TNFRSF21: variants seen among roughly 807,000 people sequenced by gnomAD.
The protein encoded by TNFRSF21 is tumor necrosis factor receptor superfamily member 21.
TNFRSF21 carries 19 observed loss-of-function variants against 45.6 expected under a neutral mutation model. That is an observed-to-expected ratio of 0.42 (90% CI 0.29 to 0.61). The LOEUF (loss-of-function observed/expected upper bound fraction) is 0.61, where lower values mean the gene tolerates loss of function less well. Ranked by LOEUF, TNFRSF21 falls within the 20% of genes least tolerant of loss-of-function variation. The probability of loss-of-function intolerance (pLI) is 0.23; values close to 1 mark genes in which losing one functional copy is unlikely to be tolerated. For missense variants in TNFRSF21, 737 were observed against 851.5 expected (o/e 0.87, Z 1.67); for synonymous variants, 314 against 335.5 (o/e 0.94, Z 0.70).
intron 1 of TNFRSF21, among the ~76,000 whole-genome samples, chr6:47,292,862 C>T (rs1371534240): frequency 1.3e-5 from 2 of 152,068 alleles, no homozygotes; most frequent in South Asian, 2.1e-4. Flanking sequence ...TTGGCTGTTC[C>T]CATTGATTTT....
At chr6:47,309,305 G>T in intron 1 of TNFRSF21, 111 bp downstream of exon 1, 1 of 1,400,866 alleles carries the variant, frequency 7.1e-7, no homozygotes, top group Non-Finnish European at 9.3e-7. Context: ...TAACCCAGTC[G>T]GCCGGGCCCC....
Position 47,285,949 on chromosome 6 carries a change from G to C in TNFRSF21, c.743C>G (p.Pro248Arg), listed in dbSNP as rs1201309167. Residue 248 changes from proline to arginine, a missense_variant, in exon 2 of 6, where the codon CCC becomes CGC. Pro to Arg is a moderately radical substitution (Grantham distance 103). Coordinates refer to ENST00000296861, the MANE Select transcript of TNFRSF21 (RefSeq NM_014452.5). ...THEVPSSTYVPKGMNSTESNS... is the reference protein window; with the variant it reads ...THEVPSSTYVRKGMNSTESNS... ...AATTCATGAGGTTAAGTTACCTTTGGGAACATAAGTGGAGGAAGGGACTTC... is the reference window on the plus strand; with the variant it reads ...AATTCATGAGGTTAAGTTACCTTTGCGAACATAAGTGGAGGAAGGGACTTC... 1 of 1,613,456 alleles carries C rather than the reference G, an allele frequency of 6.2e-7. No homozygotes were observed. The highest frequency in any genetic ancestry group is 2.2e-5 in the East Asian group (1 of 44,874).
chr6:47,239,746 G>C (rs1259529132), intron 4 of TNFRSF21, among the ~76,000 whole-genome samples: 1 of 152,116 alleles, frequency 6.6e-6, no homozygotes, highest in African/African-American at 2.4e-5. Flanking sequence ...CAGACCTGTG[G>C]TCTCACTTCT....
rs540437034 is a variant in TNFRSF21 at position 47,278,957 on chromosome 6, A to C, written c.1243+4981T>G. Among the ~76,000 whole-genome samples the C allele has an allele frequency of 1.9e-3, 284 of 152,316 alleles. 1 individual carries two copies. Among genetic ancestry groups the C allele is most frequent in the Non-Finnish European group, 3.1e-3 (214 of 68,034 alleles). ...TCCTCAAGGCAGAGCAGAGAAACTG[A>C]GCAGGTTTAAACGAGGTATACCCAA... On this transcript the variant is annotated intron_variant, in intron 3 of 5. Transcript: ENST00000296861.
intron 1 of TNFRSF21, among the ~76,000 whole-genome samples, chr6:47,298,469 A>C (rs1441151022): frequency 1.3e-5 from 2 of 151,972 alleles, no homozygotes; most frequent in African/African-American, 4.8e-5. Context: ...AAATAAATAA[A>C]AATTTAAAAA....
At chr6:47,292,045 A>G (rs1356065013) in intron 1 of TNFRSF21, among the ~76,000 whole-genome samples, 3 of 152,168 alleles carry the variant, frequency 2.0e-5, no homozygotes, top group Non-Finnish European at 2.9e-5. Flanking sequence ...AAATTAAAAC[A>G]CTGTAGAAAT....
intron 1 of TNFRSF21, among the ~76,000 whole-genome samples, chr6:47,294,302 C>T (rs1444812480): frequency 6.6e-6 from 1 of 152,182 alleles, no homozygotes; most frequent in Non-Finnish European, 1.5e-5. Context: ...CGCCACCATG[C>T]CCGGCTAATT....
At chr6:47,268,528 G>A (rs1339136449) in intron 3 of TNFRSF21, among the ~76,000 whole-genome samples, 2 of 152,170 alleles carry the variant, frequency 1.3e-5, no homozygotes, top group African/African-American at 4.8e-5. Flanking sequence ...GTCTCTTCAA[G>A]GCAAAGGTGG....
chr6:47,288,706 A>G (rs1762681349), intron 1 of TNFRSF21, among the ~76,000 whole-genome samples: 1 of 152,256 alleles, frequency 6.6e-6, no homozygotes, highest in Non-Finnish European at 1.5e-5. Context: ...TCAAGCTGCC[A>G]GTTCCATGCA....
At chr6:47,253,045 A>T (rs935298355) in intron 4 of TNFRSF21, among the ~76,000 whole-genome samples, 6 of 150,518 alleles carry the variant, frequency 4.0e-5, no homozygotes, top group Non-Finnish European at 8.9e-5. Context: ...ATTTTTTTTT[A>T]AAGTTTTCTA....
intron 4 of TNFRSF21, among the ~76,000 whole-genome samples, chr6:47,238,297 G>A (rs2236038): frequency 0.39 from 58,678 of 152,064 alleles, 12,206 homozygotes; most frequent in East Asian, 0.57. Context: ...ACATGCCCCA[G>A]CTTATTTCAA....
At chr6:47,260,903 T>A (rs543317643) in intron 3 of TNFRSF21, among the ~76,000 whole-genome samples, 26 of 152,358 alleles carry the variant, frequency 1.7e-4, no homozygotes, top group African/African-American at 6.0e-4. Flanking sequence ...GTTCTCATTA[T>A]TCTTCTAGAA....
chr6:47,258,397 G>GTTTTTT (rs778644346), intron 3 of TNFRSF21, among the ~76,000 whole-genome samples: 1 of 124,554 alleles, frequency 8.0e-6, no homozygotes. Context: ...AAGTAATTGT[G>GTTTTTT]GTTTTTTTTT....
At chr6:47,273,432 G>A (rs1762455013) in intron 3 of TNFRSF21, among the ~76,000 whole-genome samples, 1 of 152,154 alleles carries the variant, frequency 6.6e-6, no homozygotes, top group African/African-American at 2.4e-5. Flanking sequence ...CTCAATAGAT[G>A]CAGAAAAGGC....
At chr6:47,243,127 G>A (rs1177368658) in intron 4 of TNFRSF21, among the ~76,000 whole-genome samples, 1 of 152,092 alleles carries the variant, frequency 6.6e-6, no homozygotes, top group Non-Finnish European at 1.5e-5. Flanking sequence ...CCATTAATTA[G>A]ATTCATGCCA....
chr6:47,296,223 C>T (rs1762787525), intron 1 of TNFRSF21, among the ~76,000 whole-genome samples: 1 of 152,142 alleles, frequency 6.6e-6, no homozygotes, highest in South Asian at 2.1e-4. Context: ...TAAAGAAAAG[C>T]ATGTGAACCA....
intron 3 of TNFRSF21, among the ~76,000 whole-genome samples, chr6:47,267,770 G>A (rs935880723): frequency 6.6e-6 from 1 of 152,142 alleles, no homozygotes; most frequent in South Asian, 2.1e-4. Context: ...CCATGGCATA[G>A]ACAGGACTGA....
chr6:47,298,516 T>G (rs55718804), intron 1 of TNFRSF21, among the ~76,000 whole-genome samples: 1,906 of 152,260 alleles, frequency 0.013, 25 homozygotes, highest in Middle Eastern at 0.024. Context: ...GTTTCTGTAT[T>G]GCTCACAAGC....
At chr6:47,298,395 G>A (rs1762820184) in intron 1 of TNFRSF21, among the ~76,000 whole-genome samples, 1 of 151,844 alleles carries the variant, frequency 6.6e-6, no homozygotes, top group South Asian at 2.1e-4. Flanking sequence ...GCTACAGTGA[G>A]CTGCGATCAC....
Sources: allele counts gnomAD v4.1 joint callset (sites outside exome capture counted in the v4.1 genomes callset), GRCh38; gene constraint gnomAD v4.1.1; transcripts MANE v1.5; gene names NCBI Gene and HGNC (gene_info 2026-07-23, HGNC 2026-07-21).